Variants in CLDN14 observed in about 807,000 individuals in gnomAD.
CLDN14 encodes claudin-14.
A neutral mutation model predicts 2.1 loss-of-function variants in CLDN14; 2 were observed. That is an observed-to-expected ratio of 0.96 (90% CI 0.39 to 3.01). The LOEUF (loss-of-function observed/expected upper bound fraction) is 3.01, where lower values mean the gene tolerates loss of function less well. Among genes scored for constraint, CLDN14 ranks in the 30% most tolerant of loss-of-function variants. The pLI is 0.09. For missense variants in CLDN14, 298 were observed against 328.0 expected, an observed-to-expected ratio of 0.91 and a Z score of 0.71; for synonymous variants, 136 against 154.4, an observed-to-expected ratio of 0.88 and a Z score of 0.88.
intron 1 of CLDN14, among the ~76,000 whole-genome samples, chr21:36,575,213 T>C (rs543939727): frequency 2.1e-4 from 32 of 152,346 alleles, no homozygotes; most frequent in African/African-American, 6.7e-4. Flanking sequence ...GGTTTACTCC[T>C]GGCTTCTCTC....
intron 1 of CLDN14, among the ~76,000 whole-genome samples, chr21:36,522,847 G>A (rs1157795502): frequency 6.6e-6 from 1 of 151,846 alleles, no homozygotes; most frequent in Non-Finnish European, 1.5e-5. Context: ...TAAGTCATGA[G>A]TAGGGAGGAC....
At chr21:36,516,019 C>T (rs1468823187) in intron 1 of CLDN14, among the ~76,000 whole-genome samples, 2 of 151,912 alleles carry the variant, frequency 1.3e-5, no homozygotes, top group Admixed American at 1.3e-4. Flanking sequence ...AACTCCTGAC[C>T]TCAGGTGATC....
chr21:36,531,291 GTT>G (rs573798801), intron 1 of CLDN14, among the ~76,000 whole-genome samples: 2 of 144,298 alleles, frequency 1.4e-5, no homozygotes, highest in Non-Finnish European at 3.1e-5. Flanking sequence ...TGCTATAAAT[GTT>G]TTTTTTTTTT....
intron 1 of CLDN14, among the ~76,000 whole-genome samples, chr21:36,525,735 C>T (rs1187605708): frequency 2.0e-5 from 3 of 152,254 alleles, no homozygotes; most frequent in East Asian, 1.9e-4. Context: ...CCATTGACCA[C>T]GAGGCACCAC....
chr21:36,522,514 G>T (rs142709286), intron 1 of CLDN14, among the ~76,000 whole-genome samples: 1 of 152,284 alleles, frequency 6.6e-6, no homozygotes, highest in East Asian at 1.9e-4. Flanking sequence ...CCCATTTGGG[G>T]CCTGTTCAGC....
chr21:36,515,895 T>C (rs548102038), intron 1 of CLDN14, among the ~76,000 whole-genome samples: 1 of 147,094 alleles, frequency 6.8e-6, no homozygotes, highest in South Asian at 2.3e-4. Context: ...CAAGTGATTC[T>C]CCTGTCTCAG....
intron 1 of CLDN14, among the ~76,000 whole-genome samples, chr21:36,519,670 A>C (rs1221571633): frequency 6.6e-6 from 1 of 152,188 alleles, no homozygotes; most frequent in Non-Finnish European, 1.5e-5. Flanking sequence ...AGATCGCGCC[A>C]CTGCACTCCG....
intron 2 of CLDN14, among the ~76,000 whole-genome samples, chr21:36,485,547 T>C (rs2086886522): frequency 7.7e-6 from 1 of 129,856 alleles, no homozygotes; most frequent in Non-Finnish European, 1.9e-5. Context: ...GGATCACTTC[T>C]GTCACCAGCG....
At chr21:36,523,305 G>A (rs1190282049) in intron 1 of CLDN14, among the ~76,000 whole-genome samples, 1 of 152,180 alleles carries the variant, frequency 6.6e-6, no homozygotes, top group Non-Finnish European at 1.5e-5. Context: ...CACATCAATA[G>A]GGTGTATATG....
chr21:36,541,964 C>A (rs1256965734), intron 1 of CLDN14, among the ~76,000 whole-genome samples: 2 of 152,006 alleles, frequency 1.3e-5, no homozygotes, highest in African/African-American at 4.8e-5. Flanking sequence ...TGTAGACTTT[C>A]TTTTACTTTT....
At chr21:36,476,109 A>AG (rs1160235010) in intron 1 of CLDN14, among the ~76,000 whole-genome samples, 1 of 152,122 alleles carries the variant, frequency 6.6e-6, no homozygotes, top group African/African-American at 2.4e-5. Flanking sequence ...CCTGAGATGG[A>AG]GACAGGTGTC....
At chr21:36,482,092 C>A (rs933810243), upstream of CLDN14, among the ~76,000 whole-genome samples, 5 of 152,308 alleles carry the variant, frequency 3.3e-5, no homozygotes, top group Non-Finnish European at 5.9e-5. Flanking sequence ...TGGTTTTAAA[C>A]TCTAAGGTGT....
chr21:36,503,080 G>C (rs1033002784), intron 2 of CLDN14, among the ~76,000 whole-genome samples: 7 of 152,152 alleles, frequency 4.6e-5, no homozygotes, highest in African/African-American at 1.2e-4. Context: ...TTGAGATAGA[G>C]TCTCACTCTT....
In CLDN14 at chr21:36,461,244, A is replaced by G. The variant is rs1469776959; in HGVS notation, c.452T>C (p.Leu151Pro). The G allele has an allele frequency of 2.2e-5, 36 of 1,614,008 alleles. No individual in the cohort carries two copies. The highest frequency in any genetic ancestry group is 3.1e-5 in the Non-Finnish European group (36 of 1,180,032). ...NDVVQNFYNPLLPSGMKFEIG... is the reference protein window; with the variant it reads ...NDVVQNFYNPPLPSGMKFEIG... ...CTCAAACTTCATGCCGCTGGGCAGC[A>G]GCGGGTTGTAGAAGTTCTGCACCAC... The change falls in exon 2 of 2, where the codon CTG (leucine) becomes CCG (proline). Residue 151 changes from leucine to proline, a missense_variant. Physicochemically the swap from Leu to Pro is moderately conservative, Grantham distance 98 (BLOSUM62 -3). Coordinates refer to ENST00000399135, the MANE Select transcript of CLDN14 (RefSeq NM_001146079.2).
intron 1 of CLDN14, among the ~76,000 whole-genome samples, chr21:36,527,657 T>C (rs539015109): frequency 1.4e-4 from 22 of 152,162 alleles, no homozygotes; most frequent in Non-Finnish European, 2.5e-4. Flanking sequence ...GCACTAAAGA[T>C]AAATCATGCA....
At chr21:36,467,289 A>T (rs2086658273) in intron 1 of CLDN14, among the ~76,000 whole-genome samples, 1 of 152,156 alleles carries the variant, frequency 6.6e-6, no homozygotes, top group Non-Finnish European at 1.5e-5. Context: ...CAGCTGCGTC[A>T]ACTTTGGCTC....
rs1485764722 is a variant in CLDN14, at chr21:36,478,163, C to T, written c.-82+1332G>A. On this transcript the variant is annotated intron_variant, in intron 1 of 1. Coordinates refer to ENST00000399135, the MANE Select transcript of CLDN14 (RefSeq NM_001146079.2). ...GAAAACAGGAAATATTTAATAGTGACATTTTCATAGCACCAAAGGAAGAAT... is the reference window on the plus strand; with the variant it reads ...GAAAACAGGAAATATTTAATAGTGATATTTTCATAGCACCAAAGGAAGAAT... Among the ~76,000 whole-genome samples, 4 of 152,212 alleles carry T rather than the reference C, an allele frequency of 2.6e-5. No individual in the cohort carries two copies. In the East Asian group the frequency reaches 7.7e-4, roughly 29 times the overall value.
At chr21:36,470,159 C>G (rs987508165) in intron 1 of CLDN14, among the ~76,000 whole-genome samples, 1 of 152,172 alleles carries the variant, frequency 6.6e-6, no homozygotes, top group African/African-American at 2.4e-5. Context: ...AACACTTTAT[C>G]TAGGGGATGC....
intron 1 of CLDN14, among the ~76,000 whole-genome samples, chr21:36,571,959 T>C (rs76276182): frequency 0.014 from 2,170 of 152,246 alleles, 51 homozygotes; most frequent in African/African-American, 0.049. Context: ...AGGATAGAGT[T>C]CAACTGAGTC....
Sources: allele counts gnomAD v4.1 joint callset (sites outside exome capture counted in the v4.1 genomes callset), GRCh38; gene constraint gnomAD v4.1.1; transcripts MANE v1.5; gene names NCBI Gene and HGNC (gene_info 2026-07-23, HGNC 2026-07-21).